Variants in TENM4 observed in about 807,000 individuals in gnomAD.
TENM4 encodes teneurin transmembrane protein 4, also known as teneurin-4.
Under a neutral mutation model 243.3 loss-of-function variants are expected in TENM4, and 82 were observed. That is an observed-to-expected ratio of 0.34 (90% CI 0.28 to 0.40). TENM4 has a LOEUF of 0.40. Ranked by LOEUF, TENM4 falls within the 10% of genes least tolerant of loss-of-function variation. The pLI, the probability that TENM4 is intolerant of heterozygous loss-of-function variation, is 1.00. For synonymous variants in TENM4, 1,412 were observed against 1,456.3 expected (o/e 0.97, Z 0.69); for missense variants, 3,138 against 3,673.3 (o/e 0.85, Z 3.77).
Position 78,688,149 on chromosome 11 carries a change from C to T in TENM4, c.5165G>A (p.Ser1722Asn). 6.2e-7 allele frequency: 1 copy of T among 1,614,000 alleles called. No homozygotes were observed. The highest frequency in any genetic ancestry group is 8.5e-7 in the Non-Finnish European group (1 of 1,179,862). ...QVSSFRSDTD[S>N]SVHVQVETSS... ...GGTCTCTACCTGGACATGCACTGAA[C>T]TGTCTGTATCACTTCGGAAACTGCT... Residue 1722 changes from serine to asparagine, a missense_variant, in exon 29 of 34, where the codon AGT becomes AAT. Physicochemically the swap from Ser to Asn is conservative, Grantham distance 46 (BLOSUM62 1). Transcript: ENST00000278550.
chr11:79,232,756 CT>C (rs1452759052), intron 2 of TENM4, among the ~76,000 whole-genome samples: 1 of 152,186 alleles, frequency 6.6e-6, no homozygotes, highest in Non-Finnish European at 1.5e-5. Flanking sequence ...AATAAAATTG[CT>C]GTTTGGATAG....
intron 1 of TENM4, among the ~76,000 whole-genome samples, chr11:79,372,480 G>A (rs994682175): frequency 2.0e-5 from 3 of 152,210 alleles, no homozygotes; most frequent in African/African-American, 7.2e-5. Flanking sequence ...TGTGGGGTAG[G>A]GAGATGGAGC....
At chr11:78,800,346 G>A (rs1857254991) in intron 15 of TENM4, among the ~76,000 whole-genome samples, 1 of 152,172 alleles carries the variant, frequency 6.6e-6, no homozygotes, top group Non-Finnish European at 1.5e-5. Flanking sequence ...AATGATGCCA[G>A]CTCTTGTCCA....
intron 3 of TENM4, among the ~76,000 whole-genome samples, chr11:79,186,634 G>A (rs1018709896): frequency 2.0e-5 from 3 of 152,224 alleles, no homozygotes; most frequent in Admixed American, 2.0e-4. Flanking sequence ...TATCACCCAT[G>A]AGACAGGCAA....
intron 9 of TENM4, among the ~76,000 whole-genome samples, chr11:78,868,670 A>T (rs566337654): frequency 6.6e-6 from 1 of 152,342 alleles, no homozygotes; most frequent in African/African-American, 2.4e-5. Context: ...GCAATTAACA[A>T]AGTCATTATG....
chr11:79,328,664 G>A (rs186766826), intron 1 of TENM4, among the ~76,000 whole-genome samples: 24 of 152,284 alleles, frequency 1.6e-4, no homozygotes, highest in East Asian at 7.7e-4. Context: ...TGTAAGCAAC[G>A]ATGTGGTGGA....
chr11:79,387,618 A>ACTTCC (rs951369058), intron 1 of TENM4, among the ~76,000 whole-genome samples: 31 of 99,194 alleles, frequency 3.1e-4, no homozygotes, highest in Non-Finnish European at 6.2e-4. Context: ...AATGAGTTTC[A>ACTTCC]CTTCCCTTCC....
At chr11:79,225,513 G>T (rs114286064) in intron 2 of TENM4, among the ~76,000 whole-genome samples, 10 of 152,092 alleles carry the variant, frequency 6.6e-5, no homozygotes, top group African/African-American at 2.2e-4. Context: ...GCCTCCTGAG[G>T]CTCAAGCAAG....
chr11:79,294,207 A>G (rs1856406783), intron 2 of TENM4, among the ~76,000 whole-genome samples: 1 of 152,220 alleles, frequency 6.6e-6, no homozygotes, highest in Non-Finnish European at 1.5e-5. Flanking sequence ...TGCTGCTACA[A>G]TTACAGCTAC....
chr11:79,414,666 A>G (rs1858774907), intron 1 of TENM4, among the ~76,000 whole-genome samples: 1 of 149,590 alleles, frequency 6.7e-6, no homozygotes, highest in African/African-American at 2.6e-5. Flanking sequence ...TGGCAGAAGC[A>G]AAAAAAACAC....
At chr11:78,914,453 C>G (rs1329849363) in intron 6 of TENM4, among the ~76,000 whole-genome samples, 4 of 152,168 alleles carry the variant, frequency 2.6e-5, no homozygotes, top group African/African-American at 7.2e-5. Context: ...TAAGAAAACC[C>G]TTCCTCCTGC....
intron 6 of TENM4, among the ~76,000 whole-genome samples, chr11:79,039,005 AG>A (rs1859452639): frequency 6.6e-6 from 1 of 152,216 alleles, no homozygotes; most frequent in Non-Finnish European, 1.5e-5. Flanking sequence ...TGCTGAAGCA[AG>A]GGAGAATGTA....
chr11:79,380,379 A>G (rs1857976634), intron 1 of TENM4, among the ~76,000 whole-genome samples: 1 of 151,780 alleles, frequency 6.6e-6, no homozygotes, highest in Admixed American at 6.6e-5. Flanking sequence ...TGAATGCTGG[A>G]GGCGGGAATC....
Position 78,653,814 on chromosome 11 carries a change from T to C in TENM4, c.*4244A>G, listed in dbSNP as rs1002955908. On this transcript the variant is annotated 3_prime_UTR_variant, in exon 34 of 34. Coordinates refer to ENST00000278550, the MANE Select transcript of TENM4 (RefSeq NM_001098816.3). Reference sequence around the variant, plus strand: ...TCCAGAGGGGGTAAGAAACACAACATTGGCCCTCGCCTGGGCCTTCCCACA... The same window carrying C: ...TCCAGAGGGGGTAAGAAACACAACACTGGCCCTCGCCTGGGCCTTCCCACA... 6 of 152,262 alleles carry C rather than the reference T, an allele frequency of 3.9e-5. No homozygotes were observed. The highest frequency in any genetic ancestry group is 3.9e-4 in the East Asian group (2 of 5,194). The allele number at this position is 152,262 out of a possible 1,614,324, so 9.4% of individuals were successfully genotyped here. A position where few individuals can be genotyped will look rare whatever the true frequency, so the allele number is the denominator to read the frequency against.
rs1056567152 is a variant in TENM4 at position 78,891,264 on chromosome 11, G to A, written c.822C>T (p.Ser274=). ...NLIEMDILGA[S]RHDGAYSDGH... ...CGTCACTGTAAGCCCCATCATGGCGGGAGGCGCCGAGAATGTCCATCTCAA... is the reference window on the plus strand; with the variant it reads ...CGTCACTGTAAGCCCCATCATGGCGAGAGGCGCCGAGAATGTCCATCTCAA... The change falls in exon 8 of 34, where the codon TCC becomes TCT. Residue 274 remains serine (S), a synonymous_variant. Coordinates refer to ENST00000278550, the MANE Select transcript of TENM4 (RefSeq NM_001098816.3). 1.3e-6 allele frequency: 2 copies of A among 1,551,600 alleles called. No individual in the cohort carries two copies. Among genetic ancestry groups the A allele is most frequent in the Non-Finnish European group, 1.7e-6 (2 of 1,147,018 alleles).
chr11:79,192,250 C>A (rs1863527506), intron 3 of TENM4, among the ~76,000 whole-genome samples: 2 of 152,238 alleles, frequency 1.3e-5, no homozygotes, highest in South Asian at 2.1e-4. Context: ...CCGGCCACCA[C>A]CCCGTCTGGG....
chr11:78,708,505 C>T lies in TENM4; in HGVS notation c.4065G>A (p.Val1355=), dbSNP rs752024979. ...ATLTNPRGIT[V]DKFGLIYFVD... ...CGAAGTAGATCAGCCCAAACTTGTC[C>T]ACTGTAATGCCTGGGGGCAGAGAAG... is the stretch of plus-strand genomic sequence containing the variant. The change falls in exon 27 of 34, where the codon GTG becomes GTA. Residue 1355 remains valine, a synonymous_variant. Coordinates refer to ENST00000278550, the MANE Select transcript of TENM4 (RefSeq NM_001098816.3). 6.2e-7 allele frequency: 1 copy of T among 1,613,706 alleles called. No individual in the cohort carries two copies. The highest frequency in any genetic ancestry group is 8.5e-7 in the Non-Finnish European group (1 of 1,179,816).
intron 3 of TENM4, among the ~76,000 whole-genome samples, chr11:79,215,605 T>C (rs1864036689): frequency 6.6e-6 from 1 of 152,156 alleles, no homozygotes; most frequent in Admixed American, 6.5e-5. Flanking sequence ...CAGCAACCGT[T>C]GCCACCTACC....
intron 6 of TENM4, among the ~76,000 whole-genome samples, chr11:78,994,820 G>T (rs1308551907): frequency 6.6e-6 from 1 of 152,214 alleles, no homozygotes; most frequent in African/African-American, 2.4e-5. Context: ...AAGACAAACA[G>T]AGACTTGTCC....
Sources: allele counts gnomAD v4.1 joint callset (sites outside exome capture counted in the v4.1 genomes callset), GRCh38; gene constraint gnomAD v4.1.1; transcripts MANE v1.5; gene names NCBI Gene and HGNC (gene_info 2026-07-23, HGNC 2026-07-21).